RAET1G: variants seen among roughly 807,000 people sequenced by gnomAD.
RAET1G encodes the protein retinoic acid early transcript 1G.
A neutral mutation model predicts 29.5 loss-of-function variants in RAET1G; 25 were observed. The observed-to-expected ratio is 0.85, with a 90% CI of 0.62 to 1.18. The LOEUF is 1.18. Ranked by LOEUF, RAET1G falls within the 50% of genes most tolerant of loss-of-function variation. The pLI, the probability that RAET1G is intolerant of heterozygous loss-of-function variation, is 0.00. For missense variants in RAET1G, 434 were observed against 423.6 expected (o/e 1.02, Z -0.22); for synonymous variants, 167 against 159.5 (o/e 1.05, Z -0.36).
rs776275029 is a variant in RAET1G, at chr6:149,922,969, C to A, written c.42G>T (p.Pro14=). ...AASPAFLLRL[P]LLLLLSSWCR... is the part of the protein sequence containing the mutation. ...ACCAGCTGGACAGCAGGAGCAGAAG[C>A]GGGAGGCGTAGAAGGAACGCGGGGC... Residue 14 remains proline, a synonymous_variant, in exon 1 of 5, where the codon CCG becomes CCT. Transcript: ENST00000367360. 1 of 1,605,930 alleles carries A rather than the reference C, an allele frequency of 6.2e-7. No homozygotes were observed. Among genetic ancestry groups the A allele is most frequent in the Non-Finnish European group, 8.5e-7 (1 of 1,176,930 alleles).
intron 4 of RAET1G, among the ~76,000 whole-genome samples, chr6:149,917,494 C>CA: frequency 6.6e-6 from 1 of 152,354 alleles, no homozygotes; most frequent in Non-Finnish European, 1.5e-5. Context: ...CGTGTCCCTT[C>CA]AGCTCCTGTC....
chr6:149,918,240 T>C lies in RAET1G; in HGVS notation c.776A>G (p.Gln259Arg). The C allele has an allele frequency of 1.9e-6, 3 of 1,614,156 alleles. No individual in the cohort carries two copies. The highest frequency in any genetic ancestry group is 2.5e-6 in the Non-Finnish European group (3 of 1,180,032). Reference sequence around the variant, plus strand: ...AAGCAGGGGAGGATGAGGAGGAGGCTGCAGGGACTGAGGGTGGTGGCCATG... The same window carrying C: ...AAGCAGGGGAGGATGAGGAGGAGGCCGCAGGGACTGAGGGTGGTGGCCATG... ...QSHGHHPQSL[Q>R]PPPHPPLLHP... Residue 259 changes from glutamine (Q) to arginine (R), a missense_variant, in exon 4 of 5, where the codon CAG (glutamine) becomes CGG (arginine). Transcript: ENST00000367360.
chr6:149,922,110 C>A (rs1778611406), intron 1 of RAET1G, among the ~76,000 whole-genome samples: 1 of 152,204 alleles, frequency 6.6e-6, no homozygotes, highest in South Asian at 2.1e-4. Context: ...CAGGTCTGGG[C>A]CCCAAGGGCA....
rs754080336 is a variant in RAET1G, at chr6:149,919,291, T to C, written c.383A>G (p.Glu128Gly). 9 of 1,614,110 alleles carry C rather than the reference T, an allele frequency of 5.6e-6. No individual in the cohort carries two copies. The highest frequency in any genetic ancestry group is 1.6e-4 in the Middle Eastern group (1 of 6,062). ...PLTLQARMSC[E>G]QKAEGHGSGS... ...ACTGCCGTGTCCTTCGGCTTTCTGC[T>C]CACAAGACATCCTGGCCTGCAGGGT... The change falls in exon 3 of 5, where the codon GAG becomes GGG. Residue 128 changes from glutamate to glycine, a missense_variant. Physicochemically the swap from Glu to Gly is moderately conservative, Grantham distance 98. Transcript: ENST00000367360.
chr6:149,921,459 G>A (rs893932519), intron 1 of RAET1G, among the ~76,000 whole-genome samples: 2 of 152,224 alleles, frequency 1.3e-5, no homozygotes, highest in Non-Finnish European at 2.9e-5. Context: ...GCCCATTACG[G>A]GTGGGCTCCT....
intron 3 of RAET1G, 82 bp from the exon 4 acceptor site, chr6:149,918,466 G>C (rs1778506127): frequency 6.8e-6 from 10 of 1,468,986 alleles, no homozygotes; most frequent in Non-Finnish European, 9.5e-6. Flanking sequence ...GCTGACCCAG[G>C]TCATCCTGGA....
rs771720072 is a variant in RAET1G, at chr6:149,919,202, A to C, written c.472T>G (p.Trp158Gly). ...CTGGCTCCAGGATGAACCGTTGTCC[A>C]CATTCTGTTTTCTGAGTCAAAGAGG... ...FLLFDSENRM[W>G]TTVHPGARKM... The change falls in exon 3 of 5, where the codon TGG becomes GGG. Residue 158 changes from tryptophan (W) to glycine (G), a missense_variant. Transcript: ENST00000367360. 15 of 1,614,194 alleles carry C rather than the reference A, an allele frequency of 9.3e-6. No individual in the cohort carries two copies. In the South Asian group the frequency reaches 1.6e-4, roughly 18 times the overall value.
intron 4 of RAET1G, 88 bp downstream of exon 4, chr6:149,918,086 T>G: frequency 8.6e-7 from 1 of 1,158,414 alleles, no homozygotes; most frequent in African/African-American, 1.5e-5. Context: ...GTCCCAGCCA[T>G]AGGGAGTGGG....
At chr6:149,918,128 C>T in intron 4 of RAET1G, 46 bp downstream of exon 4, 1 of 1,554,156 alleles carries the variant, frequency 6.4e-7, no homozygotes, top group South Asian at 1.1e-5. Flanking sequence ...TGTCCTCCCT[C>T]CTCACCCACC....
At chr6:149,918,893 G>A (rs1292189726) in intron 3 of RAET1G, 150 bp downstream of exon 3, 33 of 1,276,626 alleles carry the variant, frequency 2.6e-5, no homozygotes, top group South Asian at 7.5e-5. Context: ...GCACAGGCAC[G>A]CCAGCACCCC....
chr6:149,922,804 C>CG (rs1778624176), intron 1 of RAET1G, 122 bp downstream of exon 1: 4 of 640,394 alleles, frequency 6.2e-6, no homozygotes, highest in Middle Eastern at 4.2e-4. Context: ...GGAAACTGAG[C>CG]GGGGGCGCAG....
chr6:149,921,845 A>C (rs1778606541), intron 1 of RAET1G, among the ~76,000 whole-genome samples: 2 of 152,130 alleles, frequency 1.3e-5, no homozygotes, highest in South Asian at 4.2e-4. Flanking sequence ...ATGGGGTACT[A>C]TTTGCTGGTA....
intron 3 of RAET1G, 156 bp downstream of exon 3, chr6:149,918,887 A>G: frequency 3.4e-6 from 4 of 1,171,412 alleles, no homozygotes; most frequent in Non-Finnish European, 4.7e-6. Flanking sequence ...GGGAGAGCAC[A>G]GGCACGCCAG....
rs777735239 is a variant in RAET1G, at chr6:149,918,203, C to T, written c.813G>A (p.Trp271Ter). The change falls in exon 4 of 5, where the codon TGG (tryptophan) becomes TGA (stop). Residue 271 changes from tryptophan to a stop codon, truncating the protein, a stop_gained. Coordinates refer to ENST00000367360, the MANE Select transcript of RAET1G (RefSeq NM_001001788.4). LOFTEE classifies it low-confidence loss of function (END_TRUNC). ...PPHPPLLHPT[W>*]LLRRVLWSDS... The stretch of plus-strand genomic sequence containing the variant: ...CACTCCAAAGGACTCTCCTCAGCAG[C>T]CAGGTAGGATGAAGCAGGGGAGGAT... The T allele has an allele frequency of 1.1e-5, 17 of 1,614,030 alleles. No homozygotes were observed. The South Asian group carries it at 1.8e-4, about 17-fold the overall frequency.
intron 3 of RAET1G, 130 bp downstream of exon 3, chr6:149,918,913 C>G: frequency 6.8e-7 from 1 of 1,463,944 alleles, no homozygotes; most frequent in Non-Finnish European, 9.2e-7. Flanking sequence ...CCAGGAGGAG[C>G]ACCCCACGAG....
intron 3 of RAET1G, 113 bp downstream of exon 3, chr6:149,918,930 A>G (rs1334124936): frequency 1.7e-5 from 26 of 1,538,918 alleles, no homozygotes; most frequent in Non-Finnish European, 2.3e-5. Context: ...CGAGGAGGTC[A>G]TTTTAACATA....
At position 149,918,164 on chromosome 6, in the gene RAET1G, G is replaced by T. The variant is rs764556362; in HGVS notation, c.842+10C>A. On this transcript the variant is annotated intron_variant, in intron 4 of 4. Coordinates refer to ENST00000367360, the MANE Select transcript of RAET1G (RefSeq NM_001001788.4). Reference sequence around the variant, plus strand: ...TGCCCTTTGCTCCACTCCCAATTCTGCCCCCATACCTGTCACTCCAAAGGA... The same window carrying T: ...TGCCCTTTGCTCCACTCCCAATTCTTCCCCCATACCTGTCACTCCAAAGGA... The T allele has an allele frequency of 6.2e-7, 1 of 1,612,862 alleles. No individual in the cohort carries two copies. Among genetic ancestry groups the T allele is most frequent in the South Asian group, 1.1e-5 (1 of 91,020 alleles).
At chr6:149,921,218 G>A (rs1383748910) in intron 1 of RAET1G, among the ~76,000 whole-genome samples, 1 of 152,232 alleles carries the variant, frequency 6.6e-6, no homozygotes, top group Non-Finnish European at 1.5e-5. Context: ...GGCTGGACCT[G>A]CCTTAAGTGC....
In RAET1G at chr6:149,918,254, G is replaced by A. The variant is rs1280570671; in HGVS notation, c.762C>T (p.His254=). ...GAGGAGGAGGCTGCAGGGACTGAGG[G>A]TGGTGGCCATGGCTTTGGGTCAGAC... is the stretch of plus-strand genomic sequence containing the variant. The part of the protein sequence containing the change: ...RHSLTQSHGH[H]PQSLQPPPHP... The change falls in exon 4 of 5, where the codon CAC becomes CAT. Residue 254 remains histidine, a synonymous_variant. Transcript: ENST00000367360. 5.0e-6 allele frequency: 8 copies of A among 1,614,042 alleles called. No individual in the cohort carries two copies. The highest frequency in any genetic ancestry group is 6.8e-6 in the Non-Finnish European group (8 of 1,180,034).
Sources: allele counts gnomAD v4.1 joint callset (sites outside exome capture counted in the v4.1 genomes callset), GRCh38; gene constraint gnomAD v4.1.1; transcripts MANE v1.5; gene names NCBI Gene and HGNC (gene_info 2026-07-23, HGNC 2026-07-21).